MYO18B: variants seen among roughly 807,000 people sequenced by gnomAD.
MYO18B encodes myosin XVIIIB.
A neutral mutation model predicts 273.0 loss-of-function variants in MYO18B; 204 were observed. That is an observed-to-expected ratio of 0.75 (90% CI 0.67 to 0.84). The LOEUF is 0.84. Among genes scored for constraint, MYO18B ranks in the 40% least tolerant of loss-of-function variants. The probability of loss-of-function intolerance (pLI) is 0.00; values close to 1 mark genes in which losing one functional copy is unlikely to be tolerated. For missense variants in MYO18B, 3,212 were observed against 3,287.6 expected, an observed-to-expected ratio of 0.98 and a Z score of 0.56; for synonymous variants, 1,330 against 1,305.7, an observed-to-expected ratio of 1.02 and a Z score of -0.40.
At chr22:25,914,800 T>C (rs1016081985) in intron 33 of MYO18B, among the ~76,000 whole-genome samples, 1 of 140,492 alleles carries the variant, frequency 7.1e-6, no homozygotes, top group Non-Finnish European at 1.5e-5. Flanking sequence ...GGGTTCACGC[T>C]ATTCTCCTGC....
chr22:25,843,082 A>C (rs994101132), intron 17 of MYO18B, among the ~76,000 whole-genome samples: 1 of 152,196 alleles, frequency 6.6e-6, no homozygotes, highest in African/African-American at 2.4e-5. Flanking sequence ...ACAGACGAGG[A>C]AACTGATGCT....
At chr22:25,958,942 A>G (rs569574929) in intron 39 of MYO18B, 4 of 152,288 alleles carry the variant, frequency 2.6e-5, no homozygotes, top group Admixed American at 2.0e-4. Context: ...ATATATATCC[A>G]TAGTTTTCAC....
At chr22:26,004,642 G>C in intron 41 of MYO18B, 76 bp from the exon 42 acceptor site, 1 of 1,562,412 alleles carries the variant, frequency 6.4e-7, no homozygotes, top group Non-Finnish European at 8.7e-7. Context: ...CCTGGCTTAT[G>C]CTATGGGTGA....
intron 34 of MYO18B, among the ~76,000 whole-genome samples, chr22:25,935,428 C>G (rs529052724): frequency 2.0e-5 from 3 of 152,158 alleles, no homozygotes; most frequent in Non-Finnish European, 4.4e-5. Context: ...TGGGGACATG[C>G]TTTGATTTCC....
chr22:26,063,478 T>C, the MYO18B span, among the ~76,000 whole-genome samples: 1 of 152,068 alleles, frequency 6.6e-6, no homozygotes, highest in African/African-American at 2.4e-5. Context: ...TGGCCAAGAA[T>C]ACAAAATGAC....
In MYO18B at chr22:25,843,983, A is replaced by G. The variant is rs5761271; in HGVS notation, c.3368+89A>G. The G allele has an allele frequency of 0.64, 806,157 of 1,256,712 alleles. 262,656 individuals carry two copies. The highest frequency in any genetic ancestry group is 0.79 in the East Asian group (31,641 of 40,278). The allele number at this position is 1,256,712 out of a possible 1,614,324, so 77.8% of individuals were successfully genotyped here. Reference sequence around the variant, plus strand: ...CTAAACTAGGCAGTCACTACAACACAGTGTGGGAGGGCCAGCCCAGGAATC... The same window carrying G: ...CTAAACTAGGCAGTCACTACAACACGGTGTGGGAGGGCCAGCCCAGGAATC... On this transcript the variant is annotated intron_variant, in intron 18 of 43. Coordinates refer to ENST00000335473, the MANE Select transcript of MYO18B (RefSeq NM_032608.7).
intron 11 of MYO18B, 43 bp downstream of exon 11, chr22:25,785,534 T>C: frequency 1.3e-6 from 2 of 1,579,904 alleles, no homozygotes; most frequent in Non-Finnish European, 1.7e-6. Flanking sequence ...AGTCTGTGTC[T>C]GGGGCTAGAT....
the MYO18B span, among the ~76,000 whole-genome samples, chr22:26,053,068 A>G: frequency 6.6e-6 from 1 of 152,044 alleles, no homozygotes; most frequent in African/African-American, 2.4e-5. Context: ...CGAACTCCCA[A>G]AGGGCTGGGA....
At chr22:25,906,379 G>A (rs1479050761) in intron 31 of MYO18B, among the ~76,000 whole-genome samples, 1 of 152,200 alleles carries the variant, frequency 6.6e-6, no homozygotes, top group Non-Finnish European at 1.5e-5. Context: ...AAGGCAAGAA[G>A]TTGACATTTA....
At chr22:25,850,843 A>G (rs2090405262) in intron 20 of MYO18B, among the ~76,000 whole-genome samples, 1 of 152,198 alleles carries the variant, frequency 6.6e-6, no homozygotes. Flanking sequence ...CTTCTCTTCC[A>G]TACCAAGTTA....
chr22:25,965,607 C>T (rs983860594), intron 39 of MYO18B, among the ~76,000 whole-genome samples: 4 of 152,238 alleles, frequency 2.6e-5, no homozygotes, highest in South Asian at 2.1e-4. Flanking sequence ...TGCACAGTAG[C>T]GCATCATTAT....
At chr22:25,803,399 A>C (rs1349714612) in intron 12 of MYO18B, among the ~76,000 whole-genome samples, 2 of 150,052 alleles carry the variant, frequency 1.3e-5, no homozygotes, top group African/African-American at 2.5e-5. Flanking sequence ...TTACCCATGG[A>C]CCAGTTTTTT....
intron 12 of MYO18B, among the ~76,000 whole-genome samples, chr22:25,802,150 G>C (rs1175720943): frequency 1.3e-5 from 2 of 152,176 alleles, no homozygotes; most frequent in Non-Finnish European, 2.9e-5. Flanking sequence ...GAGTTCTCAT[G>C]ACCCCCTTCT....
intron 33 of MYO18B, among the ~76,000 whole-genome samples, chr22:25,914,989 G>A (rs768254484): frequency 2.0e-5 from 3 of 151,180 alleles, no homozygotes; most frequent in Non-Finnish European, 1.5e-5. Flanking sequence ...GAAACACCGC[G>A]CCCGGCCAGT....
chr22:25,770,213 T>C (rs376011861), intron 5 of MYO18B, 37 bp downstream of exon 5: 1 of 1,598,128 alleles, frequency 6.3e-7, no homozygotes, highest in Admixed American at 1.7e-5. Context: ...AGGGTCTGAG[T>C]CTTCTCCTGT....
chr22:25,850,950 A>G (rs1003577385), intron 20 of MYO18B, among the ~76,000 whole-genome samples: 3 of 152,204 alleles, frequency 2.0e-5, no homozygotes, highest in Non-Finnish European at 4.4e-5. Context: ...TTCCCCACAT[A>G]GAAGGATGCA....
At chr22:25,839,267 T>C (rs1215329130) in intron 17 of MYO18B, among the ~76,000 whole-genome samples, 3 of 152,258 alleles carry the variant, frequency 2.0e-5, no homozygotes, top group Admixed American at 6.5e-5. Flanking sequence ...TGTGCATGTG[T>C]GTATATGTGT....
At position 25,751,773 on chromosome 22, in the gene MYO18B, G is replaced by A. The variant is rs114780896; in HGVS notation, c.-109-9211G>A. 8.7e-3 allele frequency among the ~76,000 whole-genome samples: 1,330 copies of A among 152,300 alleles called. 22 individuals carry two copies. Among genetic ancestry groups the A allele is most frequent in the African/African-American group, 0.03 (1,234 of 41,568 alleles). ...GGGTCATGGGGGAGTTTAGGAGTAA[G>A]GATCTATATCGGTGCTTGGCACACG... On this transcript the variant is annotated intron_variant, in intron 1 of 43. Transcript: ENST00000335473.
rs188589526 is a variant in MYO18B, at chr22:25,752,871, G to A, written c.-109-8113G>A. Among the ~76,000 whole-genome samples the A allele has an allele frequency of 1.1e-4, 17 of 152,310 alleles. 1 individual carries two copies. In the East Asian group the frequency reaches 3.3e-3, roughly 30 times the overall value. On this transcript the variant is annotated intron_variant, in intron 1 of 43. Coordinates refer to ENST00000335473, the MANE Select transcript of MYO18B (RefSeq NM_032608.7). ...GGAACCGGGGCCAGTGCGAGTTCCGGGTGGTCGGAGGCTCCGTACTCGGAG... is the reference window on the plus strand; with the variant it reads ...GGAACCGGGGCCAGTGCGAGTTCCGAGTGGTCGGAGGCTCCGTACTCGGAG...
Sources: allele counts gnomAD v4.1 joint callset (sites outside exome capture counted in the v4.1 genomes callset), GRCh38; gene constraint gnomAD v4.1.1; transcripts MANE v1.5; gene names NCBI Gene and HGNC (gene_info 2026-07-23, HGNC 2026-07-21).